The following PCLO variants were observed in gnomAD, a reference collection of about 807,000 sequenced individuals.
The protein encoded by PCLO is piccolo presynaptic cytomatrix protein.
A neutral mutation model predicts 427.5 loss-of-function variants in PCLO; 82 were observed. That is an observed-to-expected ratio of 0.19 (90% CI 0.16 to 0.23). PCLO has a LOEUF of 0.23. Among genes scored for constraint, PCLO ranks in the 10% least tolerant of loss-of-function variants. The probability of loss-of-function intolerance (pLI) is 1.00; values close to 1 mark genes in which losing one functional copy is unlikely to be tolerated. For synonymous variants in PCLO, 2,357 were observed against 2,155.4 expected, an observed-to-expected ratio of 1.09 and a Z score of -2.59; for missense variants, 6,239 against 6,115.9, an observed-to-expected ratio of 1.02 and a Z score of -0.67.
chr7:83,086,631 T>C (rs569313616), intron 3 of PCLO, among the ~76,000 whole-genome samples: 2 of 151,068 alleles, frequency 1.3e-5, no homozygotes, highest in Admixed American at 6.6e-5. Flanking sequence ...GATTAAATAT[T>C]TAAGAGTATT....
At position 83,074,593 on chromosome 7, in the gene PCLO, A is replaced by G. The variant is rs116320958; in HGVS notation, c.3300+59657T>C. 3.8e-3 allele frequency among the ~76,000 whole-genome samples: 585 copies of G among 152,280 alleles called. 4 individuals are homozygous for G. Among genetic ancestry groups the G allele is most frequent in the African/African-American group, 0.013 (546 of 41,578 alleles). Reference sequence around the variant, plus strand: ...AGGAACTTTTCTCATGGAGAAACTTAATGGAACAATGATTGATGAATTTCT... The same window carrying G: ...AGGAACTTTTCTCATGGAGAAACTTGATGGAACAATGATTGATGAATTTCT... On this transcript the variant is annotated intron_variant, in intron 3 of 24. Coordinates refer to ENST00000333891, the MANE Select transcript of PCLO (RefSeq NM_033026.6).
At chr7:82,909,782 T>G (rs1476524236) in intron 7 of PCLO, among the ~76,000 whole-genome samples, 1 of 152,104 alleles carries the variant, frequency 6.6e-6, no homozygotes, top group Non-Finnish European at 1.5e-5. Context: ...TTGTAATTGT[T>G]AAATAAAAAT....
intron 3 of PCLO, among the ~76,000 whole-genome samples, chr7:83,115,863 CA>C (rs1791118322): frequency 6.6e-6 from 1 of 151,954 alleles, no homozygotes; most frequent in African/African-American, 2.4e-5. Context: ...ATCATCCCCC[CA>C]AATTAAACCT....
chr7:82,963,674 C>G (rs1012718625), intron 4 of PCLO, among the ~76,000 whole-genome samples: 4 of 152,058 alleles, frequency 2.6e-5, no homozygotes, highest in Admixed American at 1.3e-4. Context: ...ATAATCAGTG[C>G]TCTCTCTAAA....
intron 3 of PCLO, among the ~76,000 whole-genome samples, chr7:82,969,909 T>C (rs1416833477): frequency 1.3e-5 from 2 of 152,270 alleles, no homozygotes; most frequent in Non-Finnish European, 2.9e-5. Flanking sequence ...GTTAATAAAT[T>C]GTGAATGTGA....
chr7:82,874,487 T>G (rs1382082262), intron 10 of PCLO, among the ~76,000 whole-genome samples: 1 of 152,148 alleles, frequency 6.6e-6, no homozygotes, highest in African/African-American at 2.4e-5. Flanking sequence ...GACAATTGTA[T>G]TATGAATTTC....
chr7:82,814,136 T>C (rs941169467), intron 20 of PCLO, among the ~76,000 whole-genome samples: 6 of 151,812 alleles, frequency 4.0e-5, no homozygotes, highest in Non-Finnish European at 8.8e-5. Flanking sequence ...AGGCAACTTA[T>C]GAAATTTCAA....
At chr7:83,072,671 T>C (rs888103123) in intron 3 of PCLO, among the ~76,000 whole-genome samples, 2 of 152,102 alleles carry the variant, frequency 1.3e-5, no homozygotes, top group African/African-American at 2.4e-5. Flanking sequence ...TTCGTTCAGC[T>C]ACAGCATTTT....
At chr7:83,051,694 C>G (rs1438709486) in intron 3 of PCLO, among the ~76,000 whole-genome samples, 1 of 152,000 alleles carries the variant, frequency 6.6e-6, no homozygotes, top group Non-Finnish European at 1.5e-5. Flanking sequence ...GTGGATATCA[C>G]CAAACTAATT....
intron 3 of PCLO, among the ~76,000 whole-genome samples, chr7:83,026,392 C>T (rs1258805428): frequency 2.0e-5 from 3 of 152,086 alleles, no homozygotes; most frequent in Admixed American, 6.5e-5. Context: ...ATCAATTCAA[C>T]AAGAAGAGCT....
chr7:83,001,651 C>T (rs1787827538), intron 3 of PCLO, among the ~76,000 whole-genome samples: 1 of 152,012 alleles, frequency 6.6e-6, no homozygotes, highest in South Asian at 2.1e-4. Flanking sequence ...GCTGGGGTTT[C>T]TCATGAAGCT....
intron 24 of PCLO, 59 bp from the exon 25 acceptor site, chr7:82,758,774 T>C (rs1790370918): frequency 7.0e-6 from 7 of 999,642 alleles, no homozygotes; most frequent in Non-Finnish European, 1.0e-5. Flanking sequence ...ATGTGTATAG[T>C]TTTCAACCTT....
At chr7:83,133,451 G>A (rs926941923) in intron 3 of PCLO, among the ~76,000 whole-genome samples, 7 of 151,900 alleles carry the variant, frequency 4.6e-5, no homozygotes, top group African/African-American at 1.7e-4. Context: ...GCCCTAACAT[G>A]CTATTAATGT....
intron 20 of PCLO, chr7:82,821,805 C>T (rs748126017): frequency 9.7e-4 from 950 of 981,714 alleles, no homozygotes; most frequent in Non-Finnish European, 1.1e-3. Context: ...GGTTGCATTG[C>T]CTTATCACAT....
At chr7:83,146,040 T>C (rs1466316528) in intron 2 of PCLO, among the ~76,000 whole-genome samples, 2 of 152,176 alleles carry the variant, frequency 1.3e-5, no homozygotes, top group Non-Finnish European at 2.9e-5. Flanking sequence ...TACCACCTCA[T>C]TAAAAGAGCA....
At chr7:82,819,488 G>GT (rs3064870) in intron 20 of PCLO, among the ~76,000 whole-genome samples, 2 of 151,882 alleles carry the variant, frequency 1.3e-5, no homozygotes, top group African/African-American at 4.8e-5. Context: ...AATATTTAAA[G>GT]AACGTGAATA....
At chr7:82,902,775 C>T (rs750651531) in intron 8 of PCLO, 34 bp from the exon 9 acceptor site, 8 of 1,083,718 alleles carry the variant, frequency 7.4e-6, no homozygotes, top group African/African-American at 4.7e-5. Context: ...AAAAAACCAG[C>T]ATTAAAGACA....
intron 2 of PCLO, among the ~76,000 whole-genome samples, chr7:83,149,050 C>T (rs1310789835): frequency 6.6e-6 from 1 of 152,088 alleles, no homozygotes; most frequent in Non-Finnish European, 1.5e-5. Flanking sequence ...CACTTCTATT[C>T]TTCTTTTTGA....
At chr7:82,821,356 A>G (rs1791786711) in intron 20 of PCLO, 1 of 985,804 alleles carries the variant, frequency 1.0e-6, no homozygotes, top group Non-Finnish European at 1.2e-6. Context: ...ACCAGCTTAA[A>G]TGTTATTCAT....
Sources: gnomAD v4.1 joint callset for allele counts (sites outside exome capture counted in the v4.1 genomes callset) on GRCh38, gnomAD v4.1.1 for gene constraint, MANE v1.5 for transcripts, NCBI Gene and HGNC (gene_info 2026-07-23, HGNC 2026-07-21) for gene names.